Variants in CDH8 observed in about 807,000 individuals in gnomAD.
CDH8 encodes the protein cadherin 8.
Under a neutral mutation model 68.1 loss-of-function variants are expected in CDH8, and 17 were observed. That is an observed-to-expected ratio of 0.25 (90% CI 0.17 to 0.37). CDH8 has a LOEUF of 0.37. CDH8 is among the 10% of genes least tolerant of loss of function. The pLI, the probability that CDH8 is intolerant of heterozygous loss-of-function variation, is 1.00. For missense variants in CDH8, 763 were observed against 999.3 expected, an observed-to-expected ratio of 0.76 and a Z score of 3.19; for synonymous variants, 372 against 365.1, an observed-to-expected ratio of 1.02 and a Z score of -0.21.
At chr16:61,866,566 T>C (rs1007193214) in intron 3 of CDH8, among the ~76,000 whole-genome samples, 5 of 148,500 alleles carry the variant, frequency 3.4e-5, no homozygotes, top group South Asian at 2.2e-4. Context: ...CATAGAATTA[T>C]ATAGTGTGTG....
chr16:61,958,913 C>T (rs930814048), intron 2 of CDH8, among the ~76,000 whole-genome samples: 3 of 152,092 alleles, frequency 2.0e-5, no homozygotes, highest in East Asian at 3.9e-4. Context: ...ATCAGTATAA[C>T]CCCCAGGCCA....
intron 8 of CDH8, among the ~76,000 whole-genome samples, chr16:61,730,634 G>A (rs560613718): frequency 4.9e-4 from 75 of 151,564 alleles, no homozygotes; most frequent in Non-Finnish European, 9.6e-4. Flanking sequence ...TAACAATTAC[G>A]CAAGTGTACT....
chr16:62,003,832 C>T (rs767251007), intron 2 of CDH8, among the ~76,000 whole-genome samples: 5 of 152,160 alleles, frequency 3.3e-5, no homozygotes, highest in Admixed American at 6.5e-5. Context: ...ACTTTTTCTT[C>T]TTCTCCTTAA....
At chr16:61,784,241 G>T (rs2142993105) in intron 8 of CDH8, among the ~76,000 whole-genome samples, 1 of 152,028 alleles carries the variant, frequency 6.6e-6, no homozygotes, top group African/African-American at 2.4e-5. Flanking sequence ...GATGGAGGAA[G>T]ATCTACCAAG....
At position 61,777,580 on chromosome 16, in the gene CDH8, G is replaced by A. The variant is rs144730300; in HGVS notation, c.1414+11766C>T. The stretch of plus-strand genomic sequence containing the variant: ...ATCTATTCCTCCATTCTCAATCCAC[G>A]TGTTCTTTCTTAGACTGGAAGGAAC... On this transcript the variant is annotated intron_variant, in intron 8 of 11. Transcript: ENST00000577390. Among the ~76,000 whole-genome samples the A allele has an allele frequency of 9.0e-3, 1,376 of 152,152 alleles. 17 individuals are homozygous for A. The highest frequency in any genetic ancestry group is 0.03 in the African/African-American group (1,249 of 41,518).
intron 2 of CDH8, among the ~76,000 whole-genome samples, chr16:61,951,177 T>C (rs1964891597): frequency 2.0e-5 from 3 of 152,100 alleles, no homozygotes; most frequent in Admixed American, 6.5e-5. Context: ...TGCTGAACAA[T>C]ACACATATAT....
chr16:61,927,482 T>C (rs1308454779), intron 2 of CDH8, among the ~76,000 whole-genome samples: 1 of 152,184 alleles, frequency 6.6e-6, no homozygotes, highest in African/African-American at 2.4e-5. Context: ...TAGAATTCTA[T>C]TTGAAATAAT....
chr16:61,873,741 T>C (rs1021639192), intron 3 of CDH8, among the ~76,000 whole-genome samples: 3 of 152,260 alleles, frequency 2.0e-5, no homozygotes, highest in East Asian at 3.9e-4. Flanking sequence ...AGTCATGCCA[T>C]TGTGAAGCTA....
At position 61,648,605 on chromosome 16, in the gene CDH8, C is replaced by T. The variant is rs1330142130; in HGVS notation, c.*5003G>A. On this transcript the variant is annotated 3_prime_UTR_variant, in exon 12 of 12. Coordinates refer to ENST00000577390, the MANE Select transcript of CDH8 (RefSeq NM_001796.5). Reference sequence around the variant, plus strand: ...AAACCCAGACTCAAATAGTATTTATCCATAGATAAAAAAAAAATTCAACAA... The same window carrying T: ...AAACCCAGACTCAAATAGTATTTATTCATAGATAAAAAAAAAATTCAACAA... 1 of 149,124 alleles carries T rather than the reference C, an allele frequency of 6.7e-6. No individual in the cohort carries two copies. The highest frequency in any genetic ancestry group is 2.4e-5 in the African/African-American group (1 of 41,124). 9.2% of individuals were successfully genotyped at this position (149,124 alleles called of 1,614,324 possible).
chr16:61,813,707 C>A (rs1962008488), intron 7 of CDH8, among the ~76,000 whole-genome samples: 1 of 152,112 alleles, frequency 6.6e-6, no homozygotes, highest in Non-Finnish European at 1.5e-5. Flanking sequence ...CAATAAAATC[C>A]TGTCCTACTC....
chr16:61,718,746 A>T (rs1232983035), intron 9 of CDH8, among the ~76,000 whole-genome samples: 1 of 151,330 alleles, frequency 6.6e-6, no homozygotes, highest in Non-Finnish European at 1.5e-5. Context: ...AATAGTATGA[A>T]ATTATTTACA....
At chr16:61,768,743 C>A (rs1270068627) in intron 8 of CDH8, among the ~76,000 whole-genome samples, 1 of 151,714 alleles carries the variant, frequency 6.6e-6, no homozygotes, top group African/African-American at 2.4e-5. Flanking sequence ...AGCATTACTT[C>A]TTTGAATAGC....
intron 3 of CDH8, among the ~76,000 whole-genome samples, chr16:61,877,210 G>C (rs1000271756): frequency 6.6e-6 from 1 of 151,718 alleles, no homozygotes; most frequent in Admixed American, 6.6e-5. Context: ...TAAAGAAATT[G>C]TTTCATCATC....
Position 61,821,011 on chromosome 16 carries a change from TATG to T in CDH8, c.935_937del (p.Ser312del), listed in dbSNP as rs1962202202. The T allele has an allele frequency of 6.2e-7, 1 of 1,612,768 alleles. No individual in the cohort carries two copies. Among genetic ancestry groups the T allele is most frequent in the Non-Finnish European group, 8.5e-7 (1 of 1,179,190 alleles). ...TGTTCCATCTCCATCGATGATATCATATGATGACTGTGCATTTTCACCAATATC... is the reference window on the plus strand; with the variant it reads ...TGTTCCATCTCCATCGATGATATCATATGACTGTGCATTTTCACCAATATC... On this transcript the variant is annotated inframe_deletion, in exon 6 of 12. Coordinates refer to ENST00000577390, the MANE Select transcript of CDH8 (RefSeq NM_001796.5).
intron 2 of CDH8, among the ~76,000 whole-genome samples, chr16:61,951,708 C>T (rs1597085643): frequency 6.6e-6 from 1 of 152,224 alleles, no homozygotes; most frequent in East Asian, 1.9e-4. Context: ...TTCTAAACTA[C>T]CATTATCCTT....
intron 8 of CDH8, among the ~76,000 whole-genome samples, chr16:61,734,537 T>C (rs565576051): frequency 6.6e-6 from 1 of 152,212 alleles, no homozygotes; most frequent in Non-Finnish European, 1.5e-5. Flanking sequence ...AGGCAAGTCC[T>C]TCCAGTTTTC....
chr16:61,978,105 A>G (rs1965470962), intron 2 of CDH8, among the ~76,000 whole-genome samples: 1 of 152,194 alleles, frequency 6.6e-6, no homozygotes, highest in African/African-American at 2.4e-5. Context: ...CAAGGAAGCC[A>G]TACTATCTTT....
chr16:61,660,197 C>G (rs1963528349), intron 10 of CDH8, among the ~76,000 whole-genome samples: 1 of 151,966 alleles, frequency 6.6e-6, no homozygotes, highest in Non-Finnish European at 1.5e-5. Flanking sequence ...CCCAGTTTTG[C>G]TATATTATCT....
chr16:61,677,800 C>T (rs1296918520), intron 10 of CDH8, among the ~76,000 whole-genome samples: 2 of 152,072 alleles, frequency 1.3e-5, no homozygotes, highest in South Asian at 4.2e-4. Flanking sequence ...TCCTGTTGGC[C>T]AGGGCACTCC....
Sources: gnomAD v4.1 joint callset for allele counts (sites outside exome capture counted in the v4.1 genomes callset) on GRCh38, gnomAD v4.1.1 for gene constraint, MANE v1.5 for transcripts, NCBI Gene and HGNC (gene_info 2026-07-23, HGNC 2026-07-21) for gene names.